The following SHISA6 variants were observed in gnomAD, a reference collection of about 807,000 sequenced individuals.
SHISA6 encodes protein shisa-6.
A neutral mutation model predicts 47.9 loss-of-function variants in SHISA6; 22 were observed. The observed-to-expected ratio is 0.46, with a 90% confidence interval of 0.33 to 0.66. The LOEUF is 0.66. Among genes scored for constraint, SHISA6 ranks in the 30% least tolerant of loss-of-function variants. SHISA6 has a pLI of 0.02. For synonymous variants in SHISA6, 388 were observed against 337.8 expected, an observed-to-expected ratio of 1.15 and a Z score of -1.63; for missense variants, 680 against 764.6, an observed-to-expected ratio of 0.89 and a Z score of 1.30.
intron 2 of SHISA6, among the ~76,000 whole-genome samples, chr17:11,315,554 G>A (rs571774688): frequency 6.6e-6 from 1 of 151,960 alleles, no homozygotes; most frequent in South Asian, 2.1e-4. Context: ...CAAAAAAATG[G>A]CTTTTTACTA....
chr17:11,458,072 G>T (rs1295218590), intron 3 of SHISA6, among the ~76,000 whole-genome samples: 2 of 141,764 alleles, frequency 1.4e-5, no homozygotes, highest in African/African-American at 5.6e-5. Context: ...ATGACATAGC[G>T]AGACTCTGTC....
At chr17:11,553,343 A>G (rs16944998) in intron 4 of SHISA6, among the ~76,000 whole-genome samples, 4,574 of 152,242 alleles carry the variant, frequency 0.03, 103 homozygotes, top group Non-Finnish European at 0.047. Context: ...AAGAGCCAGA[A>G]AAGGCACGCA....
chr17:11,352,009 G>A (rs1911907266), intron 2 of SHISA6, among the ~76,000 whole-genome samples: 1 of 152,172 alleles, frequency 6.6e-6, no homozygotes, highest in African/African-American at 2.4e-5. Flanking sequence ...TATTGGTATG[G>A]AGATATGCCT....
At chr17:11,268,589 C>G (rs113589565) in intron 2 of SHISA6, among the ~76,000 whole-genome samples, 1 of 152,302 alleles carries the variant, frequency 6.6e-6, no homozygotes, top group African/African-American at 2.4e-5. Flanking sequence ...TTTGGAGAGG[C>G]CTTTCCTAAC....
intron 3 of SHISA6, among the ~76,000 whole-genome samples, chr17:11,475,574 GA>G (rs1467655854): frequency 6.6e-6 from 1 of 152,016 alleles, no homozygotes; most frequent in Non-Finnish European, 1.5e-5. Context: ...TGATGTGATG[GA>G]TTAGTTAATT....
intron 3 of SHISA6, among the ~76,000 whole-genome samples, chr17:11,512,698 T>C (rs903790972): frequency 1.3e-5 from 2 of 152,114 alleles, no homozygotes; most frequent in Non-Finnish European, 2.9e-5. Context: ...AAAATAACCA[T>C]TTATTATATA....
chr17:11,344,195 A>G (rs1372807725), intron 2 of SHISA6, among the ~76,000 whole-genome samples: 1 of 152,162 alleles, frequency 6.6e-6, no homozygotes, highest in Non-Finnish European at 1.5e-5. Context: ...TTTTGAGTTG[A>G]AAGAGATTTT....
intron 2 of SHISA6, among the ~76,000 whole-genome samples, chr17:11,284,563 C>T (rs1909230325): frequency 6.6e-6 from 1 of 152,186 alleles, no homozygotes; most frequent in South Asian, 2.1e-4. Flanking sequence ...AGGTAATTCA[C>T]AGTGTCTGCC....
chr17:11,271,151 T>TG (rs1345477322), intron 2 of SHISA6, among the ~76,000 whole-genome samples: 6 of 146,486 alleles, frequency 4.1e-5, no homozygotes, highest in East Asian at 4.0e-4. Flanking sequence ...GGGTGAAGGG[T>TG]GGGGGGAAAT....
chr17:11,521,106 T>G (rs2071625791), intron 3 of SHISA6, among the ~76,000 whole-genome samples: 1 of 152,232 alleles, frequency 6.6e-6, no homozygotes, highest in Non-Finnish European at 1.5e-5. Flanking sequence ...GATAGACTTT[T>G]CTGGTCATGT....
chr17:11,428,119 T>C (rs537875525), intron 3 of SHISA6, among the ~76,000 whole-genome samples: 77 of 152,328 alleles, frequency 5.1e-4, no homozygotes, highest in African/African-American at 1.8e-3. Context: ...TTTTACCCTC[T>C]CACATCTCAA....
chr17:11,432,451 C>T (rs868172536), intron 3 of SHISA6, among the ~76,000 whole-genome samples: 3 of 152,190 alleles, frequency 2.0e-5, no homozygotes, highest in South Asian at 4.2e-4. Context: ...CTTCGTGCCA[C>T]CTAAACCCTA....
chr17:11,358,667 C>CTTTT (rs71142206), intron 2 of SHISA6, among the ~76,000 whole-genome samples: 32 of 141,282 alleles, frequency 2.3e-4, no homozygotes, highest in Non-Finnish European at 2.9e-4. Flanking sequence ...CCAGAATTTC[C>CTTTT]TTTTTTTTTT....
intron 2 of SHISA6, among the ~76,000 whole-genome samples, chr17:11,370,260 C>T (rs1165328447): frequency 1.3e-5 from 2 of 152,132 alleles, no homozygotes; most frequent in Admixed American, 1.3e-4. Flanking sequence ...ATGTAACTTT[C>T]TTAAGATAAT....
chr17:11,353,564 G>T (rs937179295), intron 2 of SHISA6, among the ~76,000 whole-genome samples: 1 of 151,876 alleles, frequency 6.6e-6, no homozygotes, highest in African/African-American at 2.4e-5. Context: ...TAAGGCAAAT[G>T]CTCTGATTGG....
intron 3 of SHISA6, among the ~76,000 whole-genome samples, chr17:11,461,426 T>G (rs1915687959): frequency 6.9e-5 from 10 of 144,514 alleles, no homozygotes; most frequent in Admixed American, 2.1e-4. Context: ...AAAAGGTACC[T>G]GGGATTTGTT....
chr17:11,455,525 G>A (rs945395278), intron 3 of SHISA6, among the ~76,000 whole-genome samples: 5 of 150,766 alleles, frequency 3.3e-5, no homozygotes, highest in Non-Finnish European at 4.4e-5. Context: ...GTGTACAAGC[G>A]TGGAAGTGTG....
intron 3 of SHISA6, among the ~76,000 whole-genome samples, chr17:11,408,805 C>T (rs1914034256): frequency 6.6e-6 from 1 of 152,108 alleles, no homozygotes; most frequent in Non-Finnish European, 1.5e-5. Flanking sequence ...CAGCTGTTCC[C>T]CTTGCTCACA....
intron 2 of SHISA6, among the ~76,000 whole-genome samples, chr17:11,276,271 C>T (rs896035056): frequency 8.5e-5 from 13 of 152,058 alleles, no homozygotes; most frequent in Non-Finnish European, 1.5e-4. Flanking sequence ...AGCCGTTGCA[C>T]CTGGCTGAGA....
Sources: gnomAD v4.1 joint callset for allele counts (sites outside exome capture counted in the v4.1 genomes callset) on GRCh38, gnomAD v4.1.1 for gene constraint, MANE v1.5 for transcripts, NCBI Gene and HGNC (gene_info 2026-07-23, HGNC 2026-07-21) for gene names.